NCS1: variants seen among roughly 807,000 people sequenced by gnomAD.
NCS1 encodes the protein neuronal calcium sensor 1.
NCS1 carries 6 observed loss-of-function variants against 28.4 expected under a neutral mutation model. The ratio of observed to expected loss-of-function variants is 0.21; its 90% CI spans 0.12 to 0.42. NCS1 has a LOEUF of 0.42. NCS1 is among the 10% of genes least tolerant of loss of function. The pLI is 1.00. For synonymous variants in NCS1, 86 were observed against 99.3 expected (o/e 0.87, Z 0.79); for missense variants, 131 against 241.4 (o/e 0.54, Z 3.03).
At position 130,193,288 on chromosome 9, in the gene NCS1, G is replaced by A. The variant is rs117775886; in HGVS notation, c.65-7670G>A. ...GCTGGAGAGGCTGGAGACGCACTGA[G>A]GCTCTGGAGGAGGGTTCTAGGAGGG... is the stretch of plus-strand genomic sequence containing the variant. On this transcript the variant is annotated intron_variant, in intron 1 of 7. Coordinates refer to ENST00000372398, the MANE Select transcript of NCS1 (RefSeq NM_014286.4). Among the ~76,000 whole-genome samples, 105 of 152,232 alleles carry A rather than the reference G, an allele frequency of 6.9e-4. No individual in the cohort carries two copies. The East Asian group carries it at 0.013, about 19-fold the overall frequency.
intron 1 of NCS1, among the ~76,000 whole-genome samples, chr9:130,178,456 G>T (rs1057168612): frequency 1.3e-5 from 2 of 152,196 alleles, no homozygotes; most frequent in African/African-American, 2.4e-5. Context: ...CTTTTCCCCG[G>T]CAGAGGCCTT....
intron 6 of NCS1, among the ~76,000 whole-genome samples, chr9:130,225,643 G>A (rs1486609652): frequency 6.6e-6 from 1 of 152,256 alleles, no homozygotes; most frequent in Non-Finnish European, 1.5e-5. Flanking sequence ...GATGAGAGCA[G>A]CACCCCCTTC....
intron 7 of NCS1, among the ~76,000 whole-genome samples, chr9:130,227,264 C>G (rs1833428623): frequency 6.6e-6 from 1 of 152,162 alleles, no homozygotes; most frequent in South Asian, 2.1e-4. Context: ...CTCCTCTCCT[C>G]CCTTCTCCCC....
At chr9:130,228,813 C>A (rs1490673010) in intron 7 of NCS1, among the ~76,000 whole-genome samples, 1 of 151,658 alleles carries the variant, frequency 6.6e-6, no homozygotes, top group Non-Finnish European at 1.5e-5. Context: ...ACTATAGGCA[C>A]CTGCCACCAT....
At chr9:130,213,645 G>T (rs1833144437) in intron 2 of NCS1, among the ~76,000 whole-genome samples, 1 of 151,596 alleles carries the variant, frequency 6.6e-6, no homozygotes, top group South Asian at 2.1e-4. Context: ...GAGTGCAGTG[G>T]CGTGATCTCG....
Position 130,218,589 on chromosome 9 carries a change from A to G in NCS1, c.228+619A>G, listed in dbSNP as rs115840349. 8.8e-3 allele frequency among the ~76,000 whole-genome samples: 1,299 copies of G among 146,906 alleles called. 23 individuals are homozygous for G. The highest frequency in any genetic ancestry group is 0.031 in the African/African-American group (1,239 of 40,590). On this transcript the variant is annotated intron_variant, in intron 3 of 7. Transcript: ENST00000372398. ...AACATTTACTATGTTTAAGCTCTTT[A>G]CATGGATTTTTTTTTTTTTTGAGAC...
rs959121198 is a variant in NCS1 at position 130,191,463 on chromosome 9, C to G, written c.65-9495C>G. ...GTGCTCAGCCTTCCTCCCACCAGCCCGGAGGCTCTGGCATCTTTTACATGG... is the reference window on the plus strand; with the variant it reads ...GTGCTCAGCCTTCCTCCCACCAGCCGGGAGGCTCTGGCATCTTTTACATGG... On this transcript the variant is annotated intron_variant, in intron 1 of 7. Transcript: ENST00000372398. The surrounding 1 kb of genome is among the most constrained non-coding windows in gnomAD (Gnocchi z 6.4). Among the ~76,000 whole-genome samples the G allele has an allele frequency of 6.6e-6, 1 of 152,162 alleles. No individual in the cohort carries two copies. The highest frequency in any genetic ancestry group is 2.4e-5 in the African/African-American group (1 of 41,440).
At chr9:130,225,903 C>T (rs186973567) in intron 6 of NCS1, among the ~76,000 whole-genome samples, 3 of 152,302 alleles carry the variant, frequency 2.0e-5, no homozygotes, top group East Asian at 3.9e-4. Context: ...GAGAGACCCA[C>T]TAAAATTCCT....
chr9:130,228,134 G>C (rs2900286), intron 7 of NCS1, among the ~76,000 whole-genome samples: 53,056 of 151,938 alleles, frequency 0.35, 9,746 homozygotes, highest in African/African-American at 0.42. Flanking sequence ...ATGAAAGCCA[G>C]TGTCTTTTTA....
At chr9:130,206,392 T>C (rs1198187518) in intron 2 of NCS1, among the ~76,000 whole-genome samples, 1 of 121,948 alleles carries the variant, frequency 8.2e-6, no homozygotes, top group Non-Finnish European at 1.6e-5. Context: ...TTCTTTTTCT[T>C]TTCTTTCTTT....
At chr9:130,201,091 G>T in intron 2 of NCS1, 109 bp downstream of exon 2, 1 of 1,466,770 alleles carries the variant, frequency 6.8e-7, no homozygotes, top group South Asian at 1.1e-5. Flanking sequence ...GGCATGTGGA[G>T]GGGCCCCTGA....
intron 2 of NCS1, among the ~76,000 whole-genome samples, chr9:130,212,430 A>C (rs1333198136): frequency 1.3e-5 from 2 of 151,066 alleles, no homozygotes; most frequent in Non-Finnish European, 2.9e-5. Context: ...TACTATGCAC[A>C]GGACAGGCCT....
Position 130,217,952 on chromosome 9 carries a change from C to T in NCS1, c.210C>T (p.Asn70=), listed in dbSNP as rs782779838. ...CCAAGTTTGCCACATTTGTTTTCAACGTCTTTGATGAAAACAAGGTGAGCT... is the reference window on the plus strand; with the variant it reads ...CCAAGTTTGCCACATTTGTTTTCAATGTCTTTGATGAAAACAAGGTGAGCT... ...DPTKFATFVF[N]VFDENKDGRI... The change falls in exon 3 of 8, where the codon AAC becomes AAT. Residue 70 remains asparagine (N), a synonymous_variant. Transcript: ENST00000372398. 18 of 1,614,038 alleles carry T rather than the reference C, an allele frequency of 1.1e-5. No individual in the cohort carries two copies. The highest frequency in any genetic ancestry group is 1.6e-4 in the Middle Eastern group (1 of 6,084).
At chr9:130,197,948 G>A (rs1554907008) in intron 1 of NCS1, among the ~76,000 whole-genome samples, 1 of 139,804 alleles carries the variant, frequency 7.2e-6, no homozygotes, top group African/African-American at 2.7e-5. Context: ...CTGGGTGACA[G>A]AGCAAGACTT....
At position 130,199,090 on chromosome 9, in the gene NCS1, CTCTT is replaced by C. The variant is rs1414628180; in HGVS notation, c.65-1864_65-1861del. On this transcript the variant is annotated intron_variant, in intron 1 of 7. Transcript: ENST00000372398. ...TCTCCCGCTGTTGCCTTCTCTTTCT[CTCTT>C]TCTCTTTTTTTTTTTTTGAGACACA... is the stretch of plus-strand genomic sequence containing the variant. 1.1e-3 allele frequency among the ~76,000 whole-genome samples: 104 copies of C among 92,162 alleles called. 1 individual carries two copies. Among genetic ancestry groups the C allele is most frequent in the African/African-American group, 3.3e-3 (100 of 30,030 alleles). The allele number at this position is 92,162 out of a possible 152,430, so 60.5% of individuals were successfully genotyped here.
chr9:130,194,772 C>T (rs1355705187), intron 1 of NCS1, among the ~76,000 whole-genome samples: 11 of 152,184 alleles, frequency 7.2e-5, no homozygotes, highest in African/African-American at 1.4e-4. Context: ...GGTTTTGGTA[C>T]GAGCCTGGGC....
At chr9:130,221,918 T>C (rs1833314146) in intron 4 of NCS1, among the ~76,000 whole-genome samples, 3 of 79,798 alleles carry the variant, frequency 3.8e-5, no homozygotes, top group African/African-American at 1.7e-4. Flanking sequence ...TAAATATATA[T>C]ACATAAATAT....
intron 1 of NCS1, among the ~76,000 whole-genome samples, chr9:130,195,882 A>G (rs1554906781): frequency 6.6e-6 from 1 of 152,238 alleles, no homozygotes; most frequent in African/African-American, 2.4e-5. Context: ...AAGCTGTGCA[A>G]GGACTGCCTG....
In NCS1 at chr9:130,219,365, G is replaced by A. The variant is rs1039220387; in HGVS notation, c.229-360G>A. On this transcript the variant is annotated intron_variant, in intron 3 of 7. Transcript: ENST00000372398. The surrounding 1 kb of genome is among the most constrained non-coding windows in gnomAD (Gnocchi z 5.7). ...GCCTTTCCTCTGCAAAAGCCCATGA[G>A]CCCACAGCTCTAGGCCGAGGGGCTT... 6.6e-6 allele frequency among the ~76,000 whole-genome samples: 1 copy of A among 152,160 alleles called. No individual in the cohort carries two copies. The highest frequency in any genetic ancestry group is 2.4e-5 in the African/African-American group (1 of 41,430).
Sources: gnomAD v4.1 joint callset for allele counts (sites outside exome capture counted in the v4.1 genomes callset) on GRCh38, gnomAD v4.1.1 for gene constraint, Gnocchi (gnomAD v3.1) non-coding constraint, MANE v1.5 for transcripts, NCBI Gene and HGNC (gene_info 2026-07-23, HGNC 2026-07-21) for gene names.